The following SNCAIP variants were observed in gnomAD, a reference collection of about 807,000 sequenced individuals.
SNCAIP encodes the protein synuclein alpha interacting protein.
In SNCAIP, 43 loss-of-function variants were observed where a neutral mutation model predicts 86.7. The observed-to-expected ratio is 0.50, with a 90% CI of 0.39 to 0.64. The LOEUF (loss-of-function observed/expected upper bound fraction) is 0.64. Among genes scored for constraint, SNCAIP ranks in the 30% least tolerant of loss-of-function variants. The pLI, the probability that SNCAIP is intolerant of heterozygous loss-of-function variation, is 0.00. For missense variants in SNCAIP, 981 were observed against 1,103.1 expected (o/e 0.89, Z 1.57); for synonymous variants, 417 against 427.2 (o/e 0.98, Z 0.29).
chr5:122,460,637 A>C (rs956080887), intron 10 of SNCAIP, among the ~76,000 whole-genome samples: 3 of 152,200 alleles, frequency 2.0e-5, no homozygotes, highest in African/African-American at 7.2e-5. Flanking sequence ...ATCAGTATTC[A>C]GTGTTAATTA....
chr5:122,421,949 C>A (rs1776443932), intron 3 of SNCAIP, among the ~76,000 whole-genome samples: 1 of 150,108 alleles, frequency 6.7e-6, no homozygotes, highest in Admixed American at 6.6e-5. Context: ...CTATCGCAAC[C>A]AGACACTTAC....
At chr5:122,363,177 G>T (rs1762520172) in intron 1 of SNCAIP, among the ~76,000 whole-genome samples, 1 of 151,810 alleles carries the variant, frequency 6.6e-6, no homozygotes, top group Admixed American at 6.6e-5. Flanking sequence ...CGTATTTTTG[G>T]TAGAGATGGG....
chr5:122,390,433 C>T (rs569883114), intron 1 of SNCAIP, among the ~76,000 whole-genome samples: 4 of 152,238 alleles, frequency 2.6e-5, no homozygotes, highest in East Asian at 3.9e-4. Flanking sequence ...GAAGACGTTC[C>T]GGGGCCTGCA....
intron 1 of SNCAIP, among the ~76,000 whole-genome samples, chr5:122,381,868 C>T (rs949292731): frequency 1.3e-5 from 2 of 152,018 alleles, no homozygotes; most frequent in African/African-American, 4.8e-5. Context: ...TGAATATTGG[C>T]CCCCACTCTC....
intron 1 of SNCAIP, among the ~76,000 whole-genome samples, chr5:122,347,068 G>T (rs752119224): frequency 9.9e-5 from 15 of 151,976 alleles, no homozygotes; most frequent in Non-Finnish European, 2.1e-4. Flanking sequence ...TTCCAGATGT[G>T]AGTGAGCTAA....
At chr5:122,426,338 C>G (rs1489524983) in intron 5 of SNCAIP, among the ~76,000 whole-genome samples, 2 of 152,128 alleles carry the variant, frequency 1.3e-5, no homozygotes, top group Non-Finnish European at 2.9e-5. Flanking sequence ...GCTGAATAAT[C>G]ATAATTTTTA....
intron 1 of SNCAIP, among the ~76,000 whole-genome samples, chr5:122,383,241 T>C (rs1767333161): frequency 6.6e-6 from 1 of 152,228 alleles, no homozygotes; most frequent in Non-Finnish European, 1.5e-5. Flanking sequence ...TATAATCTCG[T>C]GATGCGCCGT....
At position 122,423,287 on chromosome 5, in the gene SNCAIP, A is replaced by C. The variant is rs757674850; in HGVS notation, c.550A>C (p.Ile184Leu). 1 of 1,614,076 alleles carries C rather than the reference A, an allele frequency of 6.2e-7. No homozygotes were observed. Among genetic ancestry groups the C allele is most frequent in the African/African-American group, 1.3e-5 (1 of 74,938 alleles). The change falls in exon 4 of 11, where the codon ATC (isoleucine) becomes CTC (leucine). Residue 184 changes from isoleucine to leucine, a missense_variant. Ile to Leu is a conservative substitution (Grantham distance 5). Transcript: ENST00000261368. ...AAGAATTTTGGGCTTATGCACAACC[A>C]TCAATGGCCTTTCTGGCAAAGCCTG... ...EKRILGLCTT[I>L]NGLSGKACST...
At chr5:122,403,999 C>T in intron 3 of SNCAIP, 134 bp downstream of exon 3, 2 of 711,532 alleles carry the variant, frequency 2.8e-6, no homozygotes, top group Non-Finnish European at 5.1e-6. Context: ...CTCACACCAC[C>T]CCCCACCTCA....
At chr5:122,418,884 G>GA (rs1353591191) in intron 3 of SNCAIP, among the ~76,000 whole-genome samples, 2 of 152,120 alleles carry the variant, frequency 1.3e-5, no homozygotes, top group Non-Finnish European at 2.9e-5. Context: ...ACTCAGGACT[G>GA]AAAAAAGAGA....
intron 1 of SNCAIP, among the ~76,000 whole-genome samples, chr5:122,377,729 C>T (rs1323204769): frequency 3.5e-5 from 5 of 141,168 alleles, no homozygotes; most frequent in African/African-American, 1.3e-4. Context: ...GTGATATTCC[C>T]CTTCCTGTGC....
At chr5:122,351,069 A>AT (rs954470760) in intron 1 of SNCAIP, among the ~76,000 whole-genome samples, 2 of 152,106 alleles carry the variant, frequency 1.3e-5, no homozygotes, top group Admixed American at 1.3e-4. Context: ...TGCCTCCAAC[A>AT]TTTTTCTATT....
At chr5:122,398,451 A>G (rs1771087103) in intron 2 of SNCAIP, among the ~76,000 whole-genome samples, 1 of 152,150 alleles carries the variant, frequency 6.6e-6, no homozygotes, top group Non-Finnish European at 1.5e-5. Flanking sequence ...GGAGGCTAAA[A>G]TTTTAGAAAA....
At chr5:122,336,355 G>A (rs1756460294) in intron 1 of SNCAIP, among the ~76,000 whole-genome samples, 1 of 152,194 alleles carries the variant, frequency 6.6e-6, no homozygotes, top group Admixed American at 6.5e-5. Context: ...GGGGCTAGGG[G>A]ACTTGTCCAA....
At chr5:122,406,690 T>C (rs1046894956) in intron 3 of SNCAIP, among the ~76,000 whole-genome samples, 4 of 152,168 alleles carry the variant, frequency 2.6e-5, no homozygotes, top group Non-Finnish European at 4.4e-5. Context: ...CCATGTGAGA[T>C]GCCTCATTCC....
intron 2 of SNCAIP, among the ~76,000 whole-genome samples, chr5:122,397,660 G>A (rs749125371): frequency 4.6e-5 from 7 of 152,092 alleles, no homozygotes; most frequent in Non-Finnish European, 1.0e-4. Context: ...GTCTAATAGA[G>A]GTATGAAAGT....
At position 122,326,609 on chromosome 5, in the gene SNCAIP, T is replaced by A. The variant is rs1324054150; in HGVS notation, c.-47+14325T>A. ...AAGGGAACTTCAGAAATGTCTCCTT[T>A]TTTTTTTTTTTTTTTTTTTTTTTTT... On this transcript the variant is annotated intron_variant, in intron 1 of 10. Coordinates refer to ENST00000261368, the MANE Select transcript of SNCAIP (RefSeq NM_005460.4). 3.8e-5 allele frequency among the ~76,000 whole-genome samples: 3 copies of A among 79,900 alleles called. No homozygotes were observed. In the East Asian group the frequency reaches 1.2e-3, roughly 31 times the overall value. 52.4% of individuals were successfully genotyped at this position (79,900 alleles called of 152,430 possible).
chr5:122,321,099 C>A (rs1453135936), intron 1 of SNCAIP, among the ~76,000 whole-genome samples: 2 of 152,148 alleles, frequency 1.3e-5, no homozygotes, highest in Non-Finnish European at 2.9e-5. Flanking sequence ...GTAATAGGAT[C>A]CATGAATGGG....
chr5:122,338,048 A>C (rs1446448896), intron 1 of SNCAIP, among the ~76,000 whole-genome samples: 1 of 152,220 alleles, frequency 6.6e-6, no homozygotes, highest in African/African-American at 2.4e-5. Context: ...TCTTTGATAC[A>C]TTGAAGTAAA....
Sources: allele counts gnomAD v4.1 joint callset (sites outside exome capture counted in the v4.1 genomes callset), GRCh38; gene constraint gnomAD v4.1.1; transcripts MANE v1.5; gene names NCBI Gene and HGNC (gene_info 2026-07-23, HGNC 2026-07-21).